IPPK: variants seen among roughly 807,000 people sequenced by gnomAD.
IPPK encodes the protein IPK1 homolog.
A neutral mutation model predicts 64.6 loss-of-function variants in IPPK; 22 were observed. The ratio of observed to expected loss-of-function variants is 0.34; its 90% CI spans 0.24 to 0.49. The LOEUF (loss-of-function observed/expected upper bound fraction) is 0.49. Among genes scored for constraint, IPPK ranks in the 20% least tolerant of loss-of-function variants. IPPK has a pLI of 0.99. For synonymous variants in IPPK, 262 were observed against 247.2 expected (o/e 1.06, Z -0.56); for missense variants, 532 against 630.7 (o/e 0.84, Z 1.68).
chr9:92,653,576 G>C (rs1313759434), intron 3 of IPPK, among the ~76,000 whole-genome samples: 3 of 152,258 alleles, frequency 2.0e-5, no homozygotes, highest in Non-Finnish European at 4.4e-5. Context: ...TTGAAGCCAA[G>C]AGCGTTGGCT....
intron 7 of IPPK, 35 bp downstream of exon 7, chr9:92,642,717 T>A (rs776501869): frequency 8.9e-6 from 14 of 1,568,106 alleles, no homozygotes; most frequent in Admixed American, 3.3e-5. Context: ...CCAGGGAACC[T>A]GACACAAGGG....
chr9:92,660,499 C>T (rs1322622403), intron 1 of IPPK, among the ~76,000 whole-genome samples: 1 of 152,210 alleles, frequency 6.6e-6, no homozygotes, highest in Non-Finnish European at 1.5e-5. Flanking sequence ...AGGCCTGTCT[C>T]GGTTTATCAT....
At chr9:92,656,683 G>A in intron 2 of IPPK, 132 bp from the exon 3 acceptor site, 1 of 638,908 alleles carries the variant, frequency 1.6e-6, no homozygotes, top group Non-Finnish European at 2.8e-6. Flanking sequence ...ACAGAACCCG[G>A]GTGACAGCCC....
chr9:92,633,021 T>A (rs1002831444), intron 11 of IPPK, among the ~76,000 whole-genome samples: 5 of 152,108 alleles, frequency 3.3e-5, no homozygotes, highest in Admixed American at 3.3e-4. Flanking sequence ...TTTTTTTTTT[T>A]TTTTTATGAG....
At chr9:92,649,944 TG>T (rs1370356881) in intron 4 of IPPK, among the ~76,000 whole-genome samples, 7 of 150,418 alleles carry the variant, frequency 4.7e-5, no homozygotes, top group African/African-American at 1.7e-4. Context: ...GAGAATTGCT[TG>T]AACCCTAGAG....
Position 92,613,360 on chromosome 9 carries a change from A to C in IPPK, c.*2472T>G. The C allele has an allele frequency of 1.9e-6, 1 of 525,694 alleles. No individual in the cohort carries two copies. Among genetic ancestry groups the C allele is most frequent in the Non-Finnish European group, 3.4e-6 (1 of 296,762 alleles). The allele number at this position is 525,694 out of a possible 1,614,324, so 32.6% of individuals were successfully genotyped here. A position where few individuals can be genotyped will look rare whatever the true frequency, so the allele number is the denominator to read the frequency against. On this transcript the variant is annotated 3_prime_UTR_variant, in exon 13 of 13. Coordinates refer to ENST00000287996, the MANE Select transcript of IPPK (RefSeq NM_022755.6). ...ATGCCAAATAAAAGTGACACGTACA[A>C]TGTGGTTTATAAAAATAAGCTTAAC...
At chr9:92,649,668 A>AG (rs988837199) in intron 4 of IPPK, 94 bp from the exon 5 acceptor site, 146 of 1,450,108 alleles carry the variant, frequency 1.0e-4, no homozygotes, top group Admixed American at 5.4e-5. Flanking sequence ...CCCTGGTTCC[A>AG]GGGGGCATCT....
At chr9:92,656,096 C>G (rs1852367525) in intron 3 of IPPK, among the ~76,000 whole-genome samples, 1 of 152,168 alleles carries the variant, frequency 6.6e-6, no homozygotes, top group Non-Finnish European at 1.5e-5. Context: ...CCAGCAGGTG[C>G]CACCACCCTC....
At chr9:92,632,222 C>A (rs1851858679) in intron 11 of IPPK, among the ~76,000 whole-genome samples, 1 of 152,216 alleles carries the variant, frequency 6.6e-6, no homozygotes, top group South Asian at 2.1e-4. Flanking sequence ...GTCTTCATTT[C>A]TCTGGGATAA....
intron 1 of IPPK, 38 bp downstream of exon 1, chr9:92,669,870 G>C: frequency 6.6e-7 from 1 of 1,508,006 alleles, no homozygotes; most frequent in Non-Finnish European, 9.2e-7. Context: ...GGCCGTCGGA[G>C]TGAGGTACCG....
At chr9:92,632,263 C>T (rs928435269) in intron 11 of IPPK, among the ~76,000 whole-genome samples, 1 of 152,146 alleles carries the variant, frequency 6.6e-6, no homozygotes, top group Non-Finnish European at 1.5e-5. Context: ...AGGGTAATTG[C>T]GTGTTTAGTG....
At chr9:92,667,900 C>T (rs1293346538) in intron 1 of IPPK, among the ~76,000 whole-genome samples, 1 of 150,088 alleles carries the variant, frequency 6.7e-6, no homozygotes, top group Non-Finnish European at 1.5e-5. Context: ...AAGACTCCGT[C>T]TCAAAAAAAA....
intron 6 of IPPK, 133 bp downstream of exon 6, chr9:92,647,926 C>CT (rs1322978442): frequency 1.6e-6 from 1 of 630,542 alleles, no homozygotes; most frequent in African/African-American, 1.8e-5. Flanking sequence ...ACATGAATCA[C>CT]TTTGTGAAAT....
At chr9:92,629,887 C>G (rs753236950) in intron 11 of IPPK, among the ~76,000 whole-genome samples, 1 of 152,100 alleles carries the variant, frequency 6.6e-6, no homozygotes, top group Admixed American at 6.5e-5. Context: ...CAAGTAATAA[C>G]AAGTGTTGCT....
intron 1 of IPPK, among the ~76,000 whole-genome samples, chr9:92,668,162 G>C (rs1051592899): frequency 1.3e-5 from 2 of 151,988 alleles, no homozygotes; most frequent in East Asian, 3.9e-4. Context: ...CAGCTACTCG[G>C]GAGGCTGAGG....
intron 1 of IPPK, among the ~76,000 whole-genome samples, chr9:92,668,747 C>A (rs911760832): frequency 6.6e-6 from 1 of 152,182 alleles, no homozygotes; most frequent in Non-Finnish European, 1.5e-5. Flanking sequence ...ACCTAAAGAT[C>A]TTGAGCAAAG....
intron 11 of IPPK, among the ~76,000 whole-genome samples, chr9:92,621,623 T>C (rs535671530): frequency 1.3e-5 from 2 of 149,040 alleles, no homozygotes; most frequent in Non-Finnish European, 3.0e-5. Flanking sequence ...CAAGTAATCC[T>C]TCCATCTCAG....
intron 11 of IPPK, among the ~76,000 whole-genome samples, chr9:92,625,150 T>A (rs924649948): frequency 6.6e-6 from 1 of 152,338 alleles, no homozygotes; most frequent in Non-Finnish European, 1.5e-5. Context: ...GTTGTATATT[T>A]TTTTCTGTGT....
intron 9 of IPPK, among the ~76,000 whole-genome samples, chr9:92,637,181 C>T (rs77082761): frequency 0.045 from 6,870 of 152,072 alleles, 294 homozygotes; most frequent in African/African-American, 0.097. Flanking sequence ...TTAGGTGTAA[C>T]GGTGCGCACC....
Sources: gnomAD v4.1 joint callset for allele counts (sites outside exome capture counted in the v4.1 genomes callset) on GRCh38, gnomAD v4.1.1 for gene constraint, MANE v1.5 for transcripts, NCBI Gene and HGNC (gene_info 2026-07-23, HGNC 2026-07-21) for gene names.